Variants in DENND1A observed in about 807,000 individuals in gnomAD.
The protein encoded by DENND1A is DENN domain-containing protein 1A.
Under a neutral mutation model 113.7 loss-of-function variants are expected in DENND1A, and 51 were observed. The ratio of observed to expected loss-of-function variants is 0.45; its 90% CI spans 0.36 to 0.57. The LOEUF (loss-of-function observed/expected upper bound fraction) is 0.57. Ranked by LOEUF, DENND1A falls within the 20% of genes least tolerant of loss-of-function variation. The pLI is 0.00. For synonymous variants in DENND1A, 565 were observed against 570.8 expected (o/e 0.99, Z 0.14); for missense variants, 1,258 against 1,395.9 (o/e 0.90, Z 1.57).
intron 19 of DENND1A, among the ~76,000 whole-genome samples, chr9:123,425,027 A>G (rs1050874537): frequency 6.6e-6 from 1 of 152,214 alleles, no homozygotes; most frequent in Non-Finnish European, 1.5e-5. Flanking sequence ...TGCGACAAGC[A>G]GCCTCTGGCA....
intron 5 of DENND1A, chr9:123,751,885 C>T (rs1376921376): frequency 6.6e-6 from 1 of 152,200 alleles, no homozygotes; most frequent in African/African-American, 2.4e-5. Context: ...TAGAGATGGG[C>T]ACTGTCTAAT....
At chr9:123,443,070 T>TAAA (rs2047047705) in intron 18 of DENND1A, among the ~76,000 whole-genome samples, 1 of 152,086 alleles carries the variant, frequency 6.6e-6, no homozygotes, top group South Asian at 2.1e-4. Context: ...GATCACAAGG[T>TAAA]AAATGGGATT....
At chr9:123,488,213 C>T (rs1179875155) in intron 13 of DENND1A, among the ~76,000 whole-genome samples, 1 of 152,220 alleles carries the variant, frequency 6.6e-6, no homozygotes, top group African/African-American at 2.4e-5. Flanking sequence ...ATGATGTGAA[C>T]CCTGCTTGTT....
chr9:123,420,142 C>A (rs1049314315), intron 19 of DENND1A, among the ~76,000 whole-genome samples: 1 of 152,202 alleles, frequency 6.6e-6, no homozygotes, highest in African/African-American at 2.4e-5. Flanking sequence ...TGAGAGTCCA[C>A]TCACACAGGG....
chr9:123,499,326 G>A (rs2052257882), intron 13 of DENND1A, among the ~76,000 whole-genome samples: 1 of 152,234 alleles, frequency 6.6e-6, no homozygotes, highest in Non-Finnish European at 1.5e-5. Context: ...GAGCCAGCAC[G>A]CTCGGCCTCA....
intron 1 of DENND1A, among the ~76,000 whole-genome samples, chr9:123,879,257 G>A (rs187502803): frequency 2.6e-5 from 4 of 152,250 alleles, no homozygotes; most frequent in Admixed American, 6.5e-5. Context: ...TACAGGTCAG[G>A]TGTGGTGGCT....
chr9:123,468,632 C>G lies in DENND1A; in HGVS notation c.994-10735G>C, dbSNP rs956655268. On this transcript the variant is annotated intron_variant, in intron 13 of 23. Transcript: ENST00000394215. ...CGCTGTGCTGGTCTGACGGCTTCTT[C>G]TTACAGGGTCAGCTGTGGCAGCTGC... Among the ~76,000 whole-genome samples the G allele has an allele frequency of 3.3e-5, 5 of 152,194 alleles. No homozygotes were observed. The South Asian group carries it at 6.2e-4, about 19-fold the overall frequency.
chr9:123,585,614 T>C (rs1286695085), intron 11 of DENND1A, among the ~76,000 whole-genome samples: 1 of 152,214 alleles, frequency 6.6e-6, no homozygotes, highest in Non-Finnish European at 1.5e-5. Flanking sequence ...AGCAGTGTGC[T>C]AGCAGGAAGG....
At chr9:123,412,589 T>C (rs771865087) in intron 19 of DENND1A, among the ~76,000 whole-genome samples, 16 of 152,198 alleles carry the variant, frequency 1.1e-4, no homozygotes, top group Admixed American at 7.2e-4. Flanking sequence ...ATGATTGGCT[T>C]TTGAAATCAG....
At chr9:123,634,587 G>C (rs930479927) in intron 9 of DENND1A, among the ~76,000 whole-genome samples, 2 of 152,164 alleles carry the variant, frequency 1.3e-5, no homozygotes, top group African/African-American at 4.8e-5. Context: ...TAAAAGTAAT[G>C]AAAGTATGTA....
At chr9:123,852,792 G>A (rs1473154297) in intron 2 of DENND1A, among the ~76,000 whole-genome samples, 1 of 152,124 alleles carries the variant, frequency 6.6e-6, no homozygotes, top group African/African-American at 2.4e-5. Context: ...CTATAAACCT[G>A]CATTTTAATA....
chr9:123,910,617 TAG>T (rs1222560501), intron 1 of DENND1A, among the ~76,000 whole-genome samples: 1 of 152,202 alleles, frequency 6.6e-6, no homozygotes, highest in African/African-American at 2.4e-5. Context: ...ATCAATAAAA[TAG>T]ACTTAAGATC....
At chr9:123,560,808 T>G (rs2057706749) in intron 12 of DENND1A, among the ~76,000 whole-genome samples, 1 of 152,066 alleles carries the variant, frequency 6.6e-6, no homozygotes, top group Admixed American at 6.5e-5. Flanking sequence ...CAGTTTGAAG[T>G]CTACCTCAAC....
At chr9:123,521,102 C>T (rs1379013939) in intron 13 of DENND1A, among the ~76,000 whole-genome samples, 2 of 152,120 alleles carry the variant, frequency 1.3e-5, no homozygotes, top group African/African-American at 2.4e-5. Context: ...ATCCTCACGC[C>T]GAGACACATT....
At chr9:123,691,931 A>T (rs2065215517) in intron 5 of DENND1A, among the ~76,000 whole-genome samples, 1 of 152,190 alleles carries the variant, frequency 6.6e-6, no homozygotes, top group African/African-American at 2.4e-5. Context: ...AGCTCCTGTC[A>T]TGTAGAAGAT....
chr9:123,415,825 C>T (rs556865601), intron 19 of DENND1A, among the ~76,000 whole-genome samples: 1 of 152,262 alleles, frequency 6.6e-6, no homozygotes, highest in Non-Finnish European at 1.5e-5. Context: ...CCTCTGCTTC[C>T]TAGACAGGGC....
At chr9:123,910,368 GA>G (rs1454058381) in intron 1 of DENND1A, among the ~76,000 whole-genome samples, 2 of 152,160 alleles carry the variant, frequency 1.3e-5, no homozygotes, top group Non-Finnish European at 2.9e-5. Flanking sequence ...AGTGGGAAAA[GA>G]ATCGTCTTGA....
chr9:123,894,769 C>A (rs1850457527), intron 1 of DENND1A, among the ~76,000 whole-genome samples: 2 of 152,182 alleles, frequency 1.3e-5, no homozygotes, highest in Admixed American at 6.5e-5. Context: ...AGGAGATGAT[C>A]ATTTTGATGT....
In DENND1A at chr9:123,381,322, C is replaced by T. The variant is rs550772209; in HGVS notation, c.*110G>A. On this transcript the variant is annotated 3_prime_UTR_variant, in exon 24 of 24. Transcript: ENST00000394215. The surrounding 1 kb of genome is among the most constrained non-coding windows in gnomAD (Gnocchi z 4.7). ...GGGGGCAGCAGAGAGGGGTCCCATC[C>T]CTTCCCACCAGCAGAACCTGGGCAG... 1.9e-3 allele frequency: 2,061 copies of T among 1,102,936 alleles called. 7 individuals are homozygous for T. Among genetic ancestry groups the T allele is most frequent in the Non-Finnish European group, 2.3e-3 (1,741 of 762,174 alleles). The allele number at this position is 1,102,936 out of a possible 1,614,324, so 68.3% of individuals were successfully genotyped here.
Sources: allele counts gnomAD v4.1 joint callset (sites outside exome capture counted in the v4.1 genomes callset), GRCh38; gene constraint gnomAD v4.1.1; non-coding constraint Gnocchi (gnomAD v3.1); transcripts MANE v1.5; gene names NCBI Gene and HGNC (gene_info 2026-07-23, HGNC 2026-07-21).